SFXN5: variants seen among roughly 807,000 people sequenced by gnomAD.
The protein encoded by SFXN5 is sideroflexin 5, also known as sideroflexin-5.
SFXN5 carries 43 observed loss-of-function variants against 50.2 expected under a neutral mutation model. The observed-to-expected ratio is 0.86, with a 90% CI of 0.67 to 1.11. The LOEUF (loss-of-function observed/expected upper bound fraction) is 1.11. Among genes scored for constraint, SFXN5 ranks in the 50% least tolerant of loss-of-function variants. The probability of loss-of-function intolerance (pLI) is 0.00; values close to 1 mark genes in which losing one functional copy is unlikely to be tolerated. For missense variants in SFXN5, 463 were observed against 454.1 expected (o/e 1.02, Z -0.18); for synonymous variants, 203 against 185.8 (o/e 1.09, Z -0.75).
intron 2 of SFXN5, among the ~76,000 whole-genome samples, chr2:73,051,733 A>C (rs1681363635): frequency 6.6e-6 from 1 of 152,222 alleles, no homozygotes; most frequent in Non-Finnish European, 1.5e-5. Flanking sequence ...CAAAGAACAG[A>C]AATTTATTTC....
chr2:73,047,635 T>A (rs1449205889), intron 2 of SFXN5, among the ~76,000 whole-genome samples: 3 of 151,962 alleles, frequency 2.0e-5, no homozygotes, highest in Admixed American at 6.6e-5. Context: ...CTGCACTAGC[T>A]CTCTTGCCTG....
At chr2:73,064,339 A>G (rs887848277) in intron 1 of SFXN5, among the ~76,000 whole-genome samples, 3 of 152,244 alleles carry the variant, frequency 2.0e-5, no homozygotes, top group African/African-American at 7.2e-5. Flanking sequence ...TTCAAAAACC[A>G]GGCCATACAC....
At chr2:73,025,550 G>A (rs932933333) in intron 3 of SFXN5, among the ~76,000 whole-genome samples, 1 of 152,152 alleles carries the variant, frequency 6.6e-6, no homozygotes, top group African/African-American at 2.4e-5. Flanking sequence ...CCAAATCCTC[G>A]AGAAAAGAAC....
chr2:72,960,178 C>T lies in SFXN5; in HGVS notation c.945+953G>A, dbSNP rs949619898. On this transcript the variant is annotated intron_variant, in intron 13 of 13. Transcript: ENST00000272433. This position sits in a 1 kb window ranked among gnomAD's most constrained non-coding sequence, Gnocchi z 6.1. ...ACTTCTATCCCTCCAGCCCAGGCGT[C>T]TCTCCTCATTCCAGACCCAGAGCCA... Among the ~76,000 whole-genome samples the T allele has an allele frequency of 3.9e-5, 6 of 152,052 alleles. No individual in the cohort carries two copies. The highest frequency in any genetic ancestry group is 1.4e-4 in the African/African-American group (6 of 41,406).
intron 1 of SFXN5, 32 bp downstream of exon 1, chr2:73,071,572 C>T (rs754813826): frequency 6.2e-7 from 1 of 1,600,008 alleles, no homozygotes. Context: ...CTTTGCCACC[C>T]GCCGGCCCGC....
chr2:72,952,972 C>CCTGG (rs1672696690), intron 13 of SFXN5, among the ~76,000 whole-genome samples: 1 of 152,204 alleles, frequency 6.6e-6, no homozygotes, highest in African/African-American at 2.4e-5. Flanking sequence ...CCCTCCCTAT[C>CCTGG]CTGGATTCAG....
chr2:72,947,527 C>T (rs372457563), intron 13 of SFXN5, among the ~76,000 whole-genome samples: 188 of 152,308 alleles, frequency 1.2e-3, no homozygotes, highest in Non-Finnish European at 2.0e-3. Context: ...TCTAGACACC[C>T]GCCATATGTC....
intron 13 of SFXN5, among the ~76,000 whole-genome samples, chr2:72,946,335 A>C (rs1671925283): frequency 6.6e-6 from 1 of 151,740 alleles, no homozygotes; most frequent in African/African-American, 2.4e-5. Flanking sequence ...CTTCCCTCCC[A>C]CTGACTTTTC....
At chr2:72,975,833 A>G (rs954996124) in intron 10 of SFXN5, among the ~76,000 whole-genome samples, 1 of 152,274 alleles carries the variant, frequency 6.6e-6, no homozygotes, top group Non-Finnish European at 1.5e-5. Context: ...ATCGTCTGCC[A>G]GATACCAGGC....
At position 72,960,421 on chromosome 2, in the gene SFXN5, G is replaced by A. The variant is rs970713734; in HGVS notation, c.945+710C>T. Among the ~76,000 whole-genome samples the A allele has an allele frequency of 1.3e-5, 2 of 151,966 alleles. No homozygotes were observed. Among genetic ancestry groups the A allele is most frequent in the Non-Finnish European group, 2.9e-5 (2 of 68,004 alleles). ...GCCGCCTCCTGACTCCCTCTTTAGG[G>A]ACCCACTTCTCTCCATGCCCACTGC... is the stretch of plus-strand genomic sequence containing the variant. On this transcript the variant is annotated intron_variant, in intron 13 of 13. Coordinates refer to ENST00000272433, the MANE Select transcript of SFXN5 (RefSeq NM_144579.3). The surrounding 1 kb of genome is among the most constrained non-coding windows in gnomAD (Gnocchi z 6.1).
At chr2:73,053,262 G>C (rs1018628036) in intron 2 of SFXN5, 1 of 154,182 alleles carries the variant, frequency 6.5e-6, no homozygotes, top group African/African-American at 2.4e-5. Context: ...AACTTCCCAG[G>C]AATTATGGTA....
intron 6 of SFXN5, among the ~76,000 whole-genome samples, chr2:73,008,600 C>T (rs1199546493): frequency 2.6e-5 from 4 of 152,210 alleles, no homozygotes; most frequent in East Asian, 3.9e-4. Flanking sequence ...TGCATGGAAG[C>T]GGCAGTGCTG....
chr2:73,067,470 G>A (rs1247406995), intron 1 of SFXN5, among the ~76,000 whole-genome samples: 1 of 152,220 alleles, frequency 6.6e-6, no homozygotes, highest in Non-Finnish European at 1.5e-5. Flanking sequence ...TTTGAAAAAT[G>A]TACTGTGGCA....
chr2:73,058,665 A>AAG, intron 1 of SFXN5, 69 bp from the exon 2 acceptor site: 8 of 1,476,148 alleles, frequency 5.4e-6, no homozygotes, highest in Non-Finnish European at 7.6e-6. Context: ...GACACTGGAG[A>AAG]GCCCCACCCT....
At chr2:73,049,943 G>C (rs530831879) in intron 2 of SFXN5, 4 of 137,296 alleles carry the variant, frequency 2.9e-5, no homozygotes, top group African/African-American at 1.1e-4. Context: ...GGCACAAGAC[G>C]AATATTTATC....
At chr2:72,969,458 G>C (rs1241048365) in intron 11 of SFXN5, among the ~76,000 whole-genome samples, 1 of 152,032 alleles carries the variant, frequency 6.6e-6, no homozygotes, top group East Asian at 1.9e-4. Context: ...GCAGTGGCAT[G>C]ATCTCAGCTC....
intron 3 of SFXN5, among the ~76,000 whole-genome samples, chr2:73,028,204 C>A (rs1187675869): frequency 1.3e-5 from 2 of 152,216 alleles, no homozygotes; most frequent in African/African-American, 2.4e-5. Flanking sequence ...TCGTATTTCT[C>A]GGACATATCC....
At chr2:73,067,621 T>C (rs1325433789) in intron 1 of SFXN5, among the ~76,000 whole-genome samples, 1 of 152,144 alleles carries the variant, frequency 6.6e-6, no homozygotes, top group African/African-American at 2.4e-5. Flanking sequence ...AGATACCTAC[T>C]AGTGGGTTCA....
chr2:73,059,647 A>C, intron 1 of SFXN5: 5 of 897,502 alleles, frequency 5.6e-6, no homozygotes, highest in Non-Finnish European at 6.6e-6. Flanking sequence ...AGCAACCTCT[A>C]ACCCCTAATG....
Sources: gnomAD v4.1 joint callset for allele counts (sites outside exome capture counted in the v4.1 genomes callset) on GRCh38, gnomAD v4.1.1 for gene constraint, Gnocchi (gnomAD v3.1) non-coding constraint, MANE v1.5 for transcripts, NCBI Gene and HGNC (gene_info 2026-07-23, HGNC 2026-07-21) for gene names.